PCBD2: variants seen among roughly 807,000 people sequenced by gnomAD.
The protein encoded by PCBD2 is pterin-4-alpha-carbinolamine dehydratase 2.
Under a neutral mutation model 16.4 loss-of-function variants are expected in PCBD2, and 12 were observed. That is an observed-to-expected ratio of 0.73 (90% confidence interval 0.47 to 1.19). The LOEUF (loss-of-function observed/expected upper bound fraction) is 1.19. Ranked by LOEUF, PCBD2 falls within the 50% of genes most tolerant of loss-of-function variation. The pLI is 0.00. For synonymous variants in PCBD2, 58 were observed against 61.8 expected, an observed-to-expected ratio of 0.94 and a Z score of 0.29; for missense variants, 138 against 156.8, an observed-to-expected ratio of 0.88 and a Z score of 0.64.
intron 2 of PCBD2, among the ~76,000 whole-genome samples, chr5:134,916,425 G>GT (rs1750834411): frequency 6.6e-6 from 1 of 152,086 alleles, no homozygotes; most frequent in South Asian, 2.1e-4. Context: ...ACTTGGTTGG[G>GT]TGTCACAGTT....
At chr5:134,915,170 C>T (rs1750813624) in intron 2 of PCBD2, among the ~76,000 whole-genome samples, 1 of 151,902 alleles carries the variant, frequency 6.6e-6, no homozygotes, top group Non-Finnish European at 1.5e-5. Flanking sequence ...CAAAAATTAA[C>T]CAGGCGTGGT....
At chr5:134,952,155 CT>C (rs58638262) in intron 2 of PCBD2, among the ~76,000 whole-genome samples, 2,442 of 133,482 alleles carry the variant, frequency 0.018, 32 homozygotes, top group East Asian at 0.046. Context: ...AAGCTGTTGA[CT>C]TTTTTTTTTT....
chr5:134,940,632 T>G (rs1751214970), intron 2 of PCBD2, among the ~76,000 whole-genome samples: 1 of 152,036 alleles, frequency 6.6e-6, no homozygotes, highest in East Asian at 1.9e-4. Flanking sequence ...TTTGAAAACA[T>G]AAGATATGAG....
chr5:134,909,563 G>T (rs1365086461), intron 1 of PCBD2, among the ~76,000 whole-genome samples: 1 of 152,114 alleles, frequency 6.6e-6, no homozygotes, highest in African/African-American at 2.4e-5. Flanking sequence ...TGCCTCAAAC[G>T]TCACAGTTCA....
chr5:134,960,447 ATG>A (rs1306590576), intron 3 of PCBD2, 137 bp from the exon 4 acceptor site: 1 of 637,490 alleles, frequency 1.6e-6, no homozygotes, highest in Non-Finnish European at 2.7e-6. Flanking sequence ...CTTATTCATA[ATG>A]TAGTATTTTC....
chr5:134,933,425 T>C (rs1294984614), intron 2 of PCBD2, among the ~76,000 whole-genome samples: 2 of 152,000 alleles, frequency 1.3e-5, no homozygotes, highest in Non-Finnish European at 2.9e-5. Context: ...TTGTAGAGAC[T>C]GGGTTTTGCC....
In PCBD2 at chr5:134,961,617, T is replaced by G. The variant is rs2149542416; in HGVS notation, c.*936T>G. ...CATTCTTAAATTCAAGAAATTGGGATGGGGAGTATTCACACATTTTATAAC... is the reference window on the plus strand; with the variant it reads ...CATTCTTAAATTCAAGAAATTGGGAGGGGGAGTATTCACACATTTTATAAC... On this transcript the variant is annotated 3_prime_UTR_variant, in exon 4 of 4. Transcript: ENST00000254908. 6.6e-6 allele frequency among the ~76,000 whole-genome samples: 1 copy of G among 152,256 alleles called. No individual in the cohort carries two copies. The highest frequency in any genetic ancestry group is 2.1e-4 in the South Asian group (1 of 4,822).
intron 2 of PCBD2, among the ~76,000 whole-genome samples, chr5:134,917,644 G>A (rs1277203899): frequency 6.6e-6 from 1 of 152,194 alleles, no homozygotes; most frequent in Admixed American, 6.5e-5. Context: ...AGCTTTATTG[G>A]TTTTGTATCT....
chr5:134,921,019 G>T (rs1263799559), intron 2 of PCBD2, among the ~76,000 whole-genome samples: 1 of 152,246 alleles, frequency 6.6e-6, no homozygotes, highest in South Asian at 2.1e-4. Context: ...CCTCGCCATC[G>T]CAGCCCTGTC....
At chr5:134,940,977 T>C (rs1413116613) in intron 2 of PCBD2, among the ~76,000 whole-genome samples, 1 of 151,908 alleles carries the variant, frequency 6.6e-6, no homozygotes, top group Non-Finnish European at 1.5e-5. Flanking sequence ...AAAATTAGCG[T>C]GGTGGCGCAT....
Position 134,960,611 on chromosome 5 carries a change from A to G in PCBD2, c.323A>G (p.Asp108Gly), listed in dbSNP as rs1269247861. The change falls in exon 4 of 4, where the codon GAC (aspartate) becomes GGC (glycine). Residue 108 changes from aspartate (D) to glycine (G), a missense_variant. Coordinates refer to ENST00000254908, the MANE Select transcript of PCBD2 (RefSeq NM_032151.5). ...NKVQITLTSHDCGELTKKDVK... is the reference protein window; with the variant it reads ...NKVQITLTSHGCGELTKKDVK... ...GTCCAGATAACTCTCACCTCACATG[A>G]CTGTGGTGAACTGACCAAAAAAGAT... is the stretch of plus-strand genomic sequence containing the variant. The G allele has an allele frequency of 6.2e-7, 1 of 1,612,250 alleles. No homozygotes were observed. The highest frequency in any genetic ancestry group is 2.2e-5 in the East Asian group (1 of 44,872).
chr5:134,919,245 A>G (rs772066989), intron 2 of PCBD2, among the ~76,000 whole-genome samples: 5 of 152,206 alleles, frequency 3.3e-5, no homozygotes, highest in Non-Finnish European at 7.3e-5. Flanking sequence ...AAAAATAAAA[A>G]AGCAGTTTGA....
At chr5:134,925,625 A>G (rs1750980973) in intron 2 of PCBD2, 1 of 397,660 alleles carries the variant, frequency 2.5e-6, no homozygotes, top group Admixed American at 4.4e-5. Flanking sequence ...GCGCCTAGGC[A>G]TAGTGTGAGA....
At chr5:134,950,994 G>T (rs1751353648) in intron 2 of PCBD2, among the ~76,000 whole-genome samples, 1 of 152,160 alleles carries the variant, frequency 6.6e-6, no homozygotes, top group South Asian at 2.1e-4. Flanking sequence ...GTACATTAAA[G>T]GATTCCAGCT....
chr5:134,916,172 G>C (rs1750830658), intron 2 of PCBD2, among the ~76,000 whole-genome samples: 1 of 152,134 alleles, frequency 6.6e-6, no homozygotes, highest in Admixed American at 6.5e-5. Context: ...TGTGGTCTCA[G>C]TTACATGGGA....
intron 2 of PCBD2, among the ~76,000 whole-genome samples, chr5:134,918,503 AAAAAT>A (rs1373214198): frequency 3.9e-5 from 6 of 152,308 alleles, no homozygotes; most frequent in South Asian, 4.1e-4. Context: ...CTCCATCTCA[AAAAAT>A]AAAATAAAAT....
intron 2 of PCBD2, among the ~76,000 whole-genome samples, chr5:134,947,843 A>G (rs17167728): frequency 6.6e-6 from 1 of 151,990 alleles, no homozygotes; most frequent in African/African-American, 2.4e-5. Context: ...GAGCTTAAAT[A>G]CAATTTTTAA....
At chr5:134,936,410 G>A (rs55807648) in intron 2 of PCBD2, among the ~76,000 whole-genome samples, 3,319 of 152,314 alleles carry the variant, frequency 0.022, 106 homozygotes, top group African/African-American at 0.069. Flanking sequence ...GACGCTCCTT[G>A]AGGAACGGGA....
intron 2 of PCBD2, among the ~76,000 whole-genome samples, chr5:134,945,689 A>G (rs900130250): frequency 1.3e-5 from 2 of 152,178 alleles, no homozygotes; most frequent in African/African-American, 4.8e-5. Flanking sequence ...CACAGAACAA[A>G]TTTTCTAGAT....
Sources: allele counts gnomAD v4.1 joint callset (sites outside exome capture counted in the v4.1 genomes callset), GRCh38; gene constraint gnomAD v4.1.1; transcripts MANE v1.5; gene names NCBI Gene and HGNC (gene_info 2026-07-23, HGNC 2026-07-21).